The following CSMD1 variants were observed in gnomAD, a reference collection of about 807,000 sequenced individuals.
The protein encoded by CSMD1 is CUB and Sushi multiple domains 1.
A neutral mutation model predicts 417.5 loss-of-function variants in CSMD1; 213 were observed. The ratio of observed to expected loss-of-function variants is 0.51; its 90% CI spans 0.46 to 0.57. The LOEUF (loss-of-function observed/expected upper bound fraction) is 0.57. Ranked by LOEUF, CSMD1 falls within the 20% of genes least tolerant of loss-of-function variation. The pLI, the probability that CSMD1 is intolerant of heterozygous loss-of-function variation, is 0.00. For synonymous variants in CSMD1, 2,862 were observed against 1,736.8 expected (o/e 1.65, Z -16.11); for missense variants, 6,923 against 4,529.7 (o/e 1.53, Z -15.17).
chr8:3,017,405 A>C (rs912157108), intron 52 of CSMD1, among the ~76,000 whole-genome samples: 1 of 152,226 alleles, frequency 6.6e-6, no homozygotes, highest in Non-Finnish European at 1.5e-5. Context: ...GTCATCGTCT[A>C]CTGAAAACTG....
chr8:4,646,721 A>C (rs942267529), intron 1 of CSMD1, among the ~76,000 whole-genome samples: 4 of 152,216 alleles, frequency 2.6e-5, no homozygotes, highest in Non-Finnish European at 4.4e-5. Context: ...TCACCTCCAA[A>C]GAGAAATTGA....
chr8:3,821,176 C>T (rs1017192284), intron 5 of CSMD1, among the ~76,000 whole-genome samples: 2 of 152,234 alleles, frequency 1.3e-5, no homozygotes, highest in East Asian at 3.9e-4. Context: ...CCTCGGCCTC[C>T]CAAACTGTGG....
intron 2 of CSMD1, among the ~76,000 whole-genome samples, chr8:4,422,966 CA>C (rs1172490872): frequency 6.6e-6 from 1 of 151,506 alleles, no homozygotes; most frequent in African/African-American, 2.4e-5. Flanking sequence ...AAACATTTGA[CA>C]ATAATAATCA....
intron 3 of CSMD1, among the ~76,000 whole-genome samples, chr8:4,099,287 C>T (rs1434839896): frequency 6.6e-6 from 1 of 151,966 alleles, no homozygotes; most frequent in Non-Finnish European, 1.5e-5. Flanking sequence ...CGCCTCTATC[C>T]TTATTATCTC....
At chr8:4,154,654 C>G (rs1372940475) in intron 3 of CSMD1, among the ~76,000 whole-genome samples, 1 of 152,172 alleles carries the variant, frequency 6.6e-6, no homozygotes, top group Admixed American at 6.5e-5. Context: ...GAATTGTATT[C>G]TAGTCCCTTA....
chr8:4,030,275 AG>A (rs1797274153), intron 4 of CSMD1, among the ~76,000 whole-genome samples: 1 of 152,166 alleles, frequency 6.6e-6, no homozygotes, highest in South Asian at 2.1e-4. Flanking sequence ...GCCCTAGCAA[AG>A]GTTCTCCATG....
intron 3 of CSMD1, among the ~76,000 whole-genome samples, chr8:4,220,805 G>T (rs1024531794): frequency 6.6e-6 from 1 of 152,192 alleles, no homozygotes; most frequent in South Asian, 2.1e-4. Context: ...ACCGAACGCA[G>T]CTCAGGTAAG....
At chr8:4,744,164 G>C (rs899185213) in intron 1 of CSMD1, among the ~76,000 whole-genome samples, 1 of 152,316 alleles carries the variant, frequency 6.6e-6, no homozygotes, top group Non-Finnish European at 1.5e-5. Context: ...CCTATAAAGA[G>C]CGTCGCAGTC....
At chr8:3,666,606 G>A (rs571949252) in intron 7 of CSMD1, among the ~76,000 whole-genome samples, 82 of 152,102 alleles carry the variant, frequency 5.4e-4, no homozygotes, top group Non-Finnish European at 1.1e-3. Context: ...TAACTCCCAT[G>A]TGTTGTGAGA....
intron 5 of CSMD1, among the ~76,000 whole-genome samples, chr8:3,853,644 C>A (rs922402209): frequency 1.3e-5 from 2 of 151,870 alleles, no homozygotes; most frequent in Admixed American, 1.3e-4. Flanking sequence ...GAGCAATGCT[C>A]CTCCGAAGGA....
chr8:4,033,630 G>T (rs1044764255), intron 3 of CSMD1, among the ~76,000 whole-genome samples: 3 of 152,148 alleles, frequency 2.0e-5, no homozygotes, highest in Admixed American at 6.5e-5. Context: ...CTTGTTCTCA[G>T]GACCTCCTGA....
At chr8:3,320,287 T>C (rs1249647789) in intron 23 of CSMD1, among the ~76,000 whole-genome samples, 2 of 152,160 alleles carry the variant, frequency 1.3e-5, no homozygotes, top group Non-Finnish European at 2.9e-5. Context: ...TCCCAAATTC[T>C]GTCCCGGACT....
intron 2 of CSMD1, among the ~76,000 whole-genome samples, chr8:4,603,935 G>C (rs1020244375): frequency 6.6e-6 from 1 of 151,976 alleles, no homozygotes; most frequent in African/African-American, 2.4e-5. Context: ...ATTTGTAAAT[G>C]ATCACTAATG....
chr8:4,506,572 G>A (rs527687605), intron 2 of CSMD1, among the ~76,000 whole-genome samples: 3 of 152,150 alleles, frequency 2.0e-5, no homozygotes, highest in South Asian at 2.1e-4. Context: ...AATATTACAC[G>A]GAGAGGAAGT....
chr8:3,849,691 G>A (rs1043100864), intron 5 of CSMD1, among the ~76,000 whole-genome samples: 1 of 152,176 alleles, frequency 6.6e-6, no homozygotes, highest in Non-Finnish European at 1.5e-5. Context: ...GTCAACTGCT[G>A]AAATCAGGAT....
chr8:3,756,810 T>TC (rs1797685753), intron 5 of CSMD1, among the ~76,000 whole-genome samples: 1 of 152,130 alleles, frequency 6.6e-6, no homozygotes, highest in African/African-American at 2.4e-5. Context: ...TTTTTTTTTT[T>TC]CTTGAGACAG....
At chr8:4,179,158 C>G (rs900623311) in intron 3 of CSMD1, among the ~76,000 whole-genome samples, 2 of 152,152 alleles carry the variant, frequency 1.3e-5, no homozygotes, top group Non-Finnish European at 2.9e-5. Context: ...GGAGGCATCA[C>G]ACTACCTGAC....
chr8:4,495,083 A>C (rs1039341838), intron 2 of CSMD1, among the ~76,000 whole-genome samples: 1 of 152,180 alleles, frequency 6.6e-6, no homozygotes, highest in Non-Finnish European at 1.5e-5. Flanking sequence ...AAGAAACCAG[A>C]TTCACTATTC....
At chr8:3,435,882 A>G (rs1814527169) in intron 12 of CSMD1, among the ~76,000 whole-genome samples, 1 of 152,214 alleles carries the variant, frequency 6.6e-6, no homozygotes, top group South Asian at 2.1e-4. Context: ...GCCCCACTGG[A>G]AAGATCTTCC....
Sources: gnomAD v4.1 joint callset for allele counts (sites outside exome capture counted in the v4.1 genomes callset) on GRCh38, gnomAD v4.1.1 for gene constraint, MANE v1.5 for transcripts, NCBI Gene and HGNC (gene_info 2026-07-23, HGNC 2026-07-21) for gene names.